Variants in SLCO1C1 observed in about 807,000 individuals in gnomAD.
SLCO1C1 encodes solute carrier organic anion transporter family member 1C1.
In SLCO1C1, 70 loss-of-function variants were observed where a neutral mutation model predicts 76.4. That is an observed-to-expected ratio of 0.92 (90% CI 0.76 to 1.12). SLCO1C1 has a LOEUF of 1.12. Ranked by LOEUF, SLCO1C1 falls within the 50% of genes most tolerant of loss-of-function variation. The probability of loss-of-function intolerance (pLI) is 0.00; values close to 1 mark genes in which losing one functional copy is unlikely to be tolerated. For missense variants in SLCO1C1, 912 were observed against 823.8 expected, an observed-to-expected ratio of 1.11 and a Z score of -1.31; for synonymous variants, 306 against 286.1, an observed-to-expected ratio of 1.07 and a Z score of -0.70.
intron 5 of SLCO1C1, among the ~76,000 whole-genome samples, chr12:20,713,905 A>G (rs1947250962): frequency 6.6e-6 from 1 of 152,242 alleles, no homozygotes; most frequent in Non-Finnish European, 1.5e-5. Context: ...CTTCTCTACA[A>G]GAAGACTCGC....
At chr12:20,747,252 C>T (rs1351250833) in intron 13 of SLCO1C1, among the ~76,000 whole-genome samples, 2 of 152,026 alleles carry the variant, frequency 1.3e-5, no homozygotes, top group Non-Finnish European at 2.9e-5. Context: ...CATAGCTAAA[C>T]CCCAATCTCT....
chr12:20,731,468 A>G (rs558998864), intron 9 of SLCO1C1, among the ~76,000 whole-genome samples: 1 of 152,326 alleles, frequency 6.6e-6, no homozygotes, highest in East Asian at 1.9e-4. Flanking sequence ...TTTATTTTAC[A>G]ATTTCACATG....
At chr12:20,713,626 G>A (rs927800496) in intron 5 of SLCO1C1, among the ~76,000 whole-genome samples, 1 of 152,038 alleles carries the variant, frequency 6.6e-6, no homozygotes, top group Non-Finnish European at 1.5e-5. Context: ...AGCTGATAAG[G>A]ATCTTCTCAA....
Position 20,721,872 on chromosome 12 carries a change from G to A in SLCO1C1, c.844G>A (p.Gly282Arg), listed in dbSNP as rs1299053563. ...CTGGTGGCTTGGCTATCTAATAGCA[G>A]GAATCATAAGTCTTCTTGCAGCTGT... Reference protein sequence around the residue: ...GAWWLGYLIAGIISLLAAVPF... With the variant: ...GAWWLGYLIARIISLLAAVPF... The change falls in exon 8 of 15, where the codon GGA becomes AGA. Residue 282 changes from glycine (G) to arginine (R), a missense_variant. Transcript: ENST00000266509. The A allele has an allele frequency of 1.2e-6, 2 of 1,614,028 alleles. No homozygotes were observed. Among genetic ancestry groups the A allele is most frequent in the African/African-American group, 1.3e-5 (1 of 74,932 alleles).
At chr12:20,698,586 C>G (rs1339946286) in intron 1 of SLCO1C1, among the ~76,000 whole-genome samples, 1 of 151,998 alleles carries the variant, frequency 6.6e-6, no homozygotes, top group Non-Finnish European at 1.5e-5. Context: ...GTGATATACT[C>G]AGTCAGAATA....
chr12:20,701,440 T>C lies in SLCO1C1; in HGVS notation c.252T>C (p.Ile84=). The change falls in exon 3 of 15, where the codon ATT becomes ATC. Residue 84 remains isoleucine, a synonymous_variant. Coordinates refer to ENST00000266509, the MANE Select transcript of SLCO1C1 (RefSeq NM_017435.5). ...TCCCTTCTTCACTGGTGGGAGTTAT[T>C]GATGGTAGTTTTGAAATTGGTAGGT... The part of the protein sequence containing the change: ...FDIPSSLVGV[I]DGSFEIGNLL... 1 of 1,512,974 alleles carries C rather than the reference T, an allele frequency of 6.6e-7. No individual in the cohort carries two copies. Among genetic ancestry groups the C allele is most frequent in the Non-Finnish European group, 9.0e-7 (1 of 1,112,854 alleles). The allele number at this position is 1,512,974 out of a possible 1,614,324, so 93.7% of individuals were successfully genotyped here. A position where few individuals can be genotyped will look rare whatever the true frequency, so the allele number is the denominator to read the frequency against.
At chr12:20,740,788 T>TATATATAA (rs1491143170) in intron 12 of SLCO1C1, among the ~76,000 whole-genome samples, 1 of 42,550 alleles carries the variant, frequency 2.4e-5, no homozygotes, top group African/African-American at 2.7e-4. Context: ...TTATTTTATT[T>TATATATAA]ATATATATAT....
chr12:20,720,206 T>A (rs1303069876), intron 7 of SLCO1C1, among the ~76,000 whole-genome samples: 1 of 152,148 alleles, frequency 6.6e-6, no homozygotes, highest in Non-Finnish European at 1.5e-5. Context: ...AAAAAAAATA[T>A]ATATATATTC....
intron 5 of SLCO1C1, among the ~76,000 whole-genome samples, chr12:20,713,622 T>G (rs981495549): frequency 2.0e-5 from 3 of 152,152 alleles, no homozygotes; most frequent in Admixed American, 6.5e-5. Flanking sequence ...CTAAAGCTGA[T>G]AAGGATCTTC....
rs1455011490 is a variant in SLCO1C1 at position 20,704,232 on chromosome 12, A to G, written c.272-1717A>G. On this transcript the variant is annotated intron_variant, in intron 3 of 14. Coordinates refer to ENST00000266509, the MANE Select transcript of SLCO1C1 (RefSeq NM_017435.5). Reference sequence around the variant, plus strand: ...AAACTTTGATAGATACAGTATATATATGGTATATAGATATATATATATATC... The same window carrying G: ...AAACTTTGATAGATACAGTATATATGTGGTATATAGATATATATATATATC... Among the ~76,000 whole-genome samples the G allele has an allele frequency of 2.6e-5, 4 of 151,514 alleles. No homozygotes were observed. In the East Asian group the frequency reaches 5.8e-4, roughly 22 times the overall value.
At chr12:20,744,920 C>T (rs78328710) in intron 13 of SLCO1C1, among the ~76,000 whole-genome samples, 2,247 of 152,172 alleles carry the variant, frequency 0.015, 50 homozygotes, top group East Asian at 0.066. Context: ...AGTACACACA[C>T]GTAACAGAGC....
At chr12:20,722,275 C>T (rs1327729263) in intron 8 of SLCO1C1, among the ~76,000 whole-genome samples, 1 of 152,256 alleles carries the variant, frequency 6.6e-6, no homozygotes, top group Admixed American at 6.5e-5. Flanking sequence ...CACCCTCTCA[C>T]ACCTCCTCAG....
rs777358150 is a variant in SLCO1C1, at chr12:20,721,915, C to T, written c.887C>T (p.Pro296Leu). Residue 296 changes from proline to leucine, a missense_variant, in exon 8 of 15, where the codon CCA becomes CTA. Transcript: ENST00000266509. ...GCAGCTGTGCCTTTCTGGTATTTACCAAAGAGTTTACCAAGATCCCAAAGT... is the reference window on the plus strand; with the variant it reads ...GCAGCTGTGCCTTTCTGGTATTTACTAAAGAGTTTACCAAGATCCCAAAGT... Reference protein sequence around the residue: ...LLAAVPFWYLPKSLPRSQSRE... With the variant: ...LLAAVPFWYLLKSLPRSQSRE... 3 of 1,613,920 alleles carry T rather than the reference C, an allele frequency of 1.9e-6. No individual in the cohort carries two copies. Among genetic ancestry groups the T allele is most frequent in the Non-Finnish European group, 2.5e-6 (3 of 1,180,014 alleles).
At chr12:20,746,474 G>C (rs1592336798) in intron 13 of SLCO1C1, among the ~76,000 whole-genome samples, 1 of 117,282 alleles carries the variant, frequency 8.5e-6, no homozygotes. Flanking sequence ...AAGAAGCATA[G>C]ATTAAAAAAA....
intron 1 of SLCO1C1, among the ~76,000 whole-genome samples, chr12:20,696,094 T>C (rs1485309331): frequency 2.0e-5 from 3 of 152,108 alleles, no homozygotes; most frequent in Admixed American, 6.6e-5. Flanking sequence ...AATTCTAATA[T>C]TACGTTTGTT....
chr12:20,701,889 AC>A (rs1207911487), intron 3 of SLCO1C1, among the ~76,000 whole-genome samples: 1 of 151,976 alleles, frequency 6.6e-6, no homozygotes, highest in Non-Finnish European at 1.5e-5. Flanking sequence ...AATAGAAGTT[AC>A]ATCATAAAAG....
Position 20,753,245 on chromosome 12 carries a change from A to G in SLCO1C1, c.*717A>G, listed in dbSNP as rs1161474207. 6.6e-6 allele frequency: 1 copy of G among 152,232 alleles called. No individual in the cohort carries two copies. Among genetic ancestry groups the G allele is most frequent in the Non-Finnish European group, 1.5e-5 (1 of 68,040 alleles). 9.4% of individuals were successfully genotyped at this position (152,232 alleles called of 1,614,324 possible). On this transcript the variant is annotated 3_prime_UTR_variant, in exon 15 of 15. Coordinates refer to ENST00000266509, the MANE Select transcript of SLCO1C1 (RefSeq NM_017435.5). ...TATTGTTCTTTTATGAATCCAATGA[A>G]TTTAAAACTATTGTTAAATATAATA...
rs142671615 is a variant in SLCO1C1, at chr12:20,730,951, A to T, written c.1187-1958A>T. ...AGTTTGCTGCCCCTCCAGACTGGCA[A>T]CGCTTGCATTTGTTTAGTACAGATT... On this transcript the variant is annotated intron_variant, in intron 9 of 14. Transcript: ENST00000266509. 8.4e-4 allele frequency among the ~76,000 whole-genome samples: 128 copies of T among 152,280 alleles called. 1 individual carries two copies. The highest frequency in any genetic ancestry group is 5.6e-3 in the South Asian group (27 of 4,824).
chr12:20,729,640 C>A (rs539514686), intron 9 of SLCO1C1, among the ~76,000 whole-genome samples: 1 of 151,596 alleles, frequency 6.6e-6, no homozygotes, highest in African/African-American at 2.4e-5. Context: ...GCTGGTGGAA[C>A]CTGTGAGAAG....
Sources: gnomAD v4.1 joint callset for allele counts (sites outside exome capture counted in the v4.1 genomes callset) on GRCh38, gnomAD v4.1.1 for gene constraint, MANE v1.5 for transcripts, NCBI Gene and HGNC (gene_info 2026-07-23, HGNC 2026-07-21) for gene names.